TMEM132D: variants seen among roughly 807,000 people sequenced by gnomAD.
TMEM132D encodes the protein transmembrane protein 132D.
TMEM132D carries 21 observed loss-of-function variants against 62.3 expected under a neutral mutation model. The observed-to-expected ratio is 0.34, with a 90% CI of 0.24 to 0.49. TMEM132D has a LOEUF of 0.49. TMEM132D is among the 20% of genes least tolerant of loss of function. The pLI, the probability that TMEM132D is intolerant of heterozygous loss-of-function variation, is 0.99. For synonymous variants in TMEM132D, 621 were observed against 575.6 expected, an observed-to-expected ratio of 1.08 and a Z score of -1.13; for missense variants, 1,346 against 1,402.8, an observed-to-expected ratio of 0.96 and a Z score of 0.65.
chr12:129,712,574 C>T (rs775397332), intron 1 of TMEM132D, among the ~76,000 whole-genome samples: 3 of 152,118 alleles, frequency 2.0e-5, no homozygotes, highest in Admixed American at 1.3e-4. Flanking sequence ...TGCAGTGGAA[C>T]GGGGCCACGC....
intron 4 of TMEM132D, among the ~76,000 whole-genome samples, chr12:129,289,091 G>T (rs1484570806): frequency 6.6e-6 from 1 of 152,152 alleles, no homozygotes; most frequent in African/African-American, 2.4e-5. Flanking sequence ...GTGGGTGCCA[G>T]GGATGGGGGT....
intron 5 of TMEM132D, chr12:129,110,529 T>G (rs1203095025): frequency 6.6e-6 from 1 of 152,192 alleles, no homozygotes; most frequent in Non-Finnish European, 1.5e-5. Flanking sequence ...GTATGAATAA[T>G]TAGAAAGCAA....
intron 1 of TMEM132D, among the ~76,000 whole-genome samples, chr12:129,744,492 T>C (rs144437101): frequency 9.2e-5 from 14 of 152,292 alleles, no homozygotes; most frequent in African/African-American, 3.4e-4. Flanking sequence ...TTATAAAAAG[T>C]AGTGCTGCAT....
At chr12:129,231,485 G>A (rs1359515515) in intron 4 of TMEM132D, among the ~76,000 whole-genome samples, 7 of 152,180 alleles carry the variant, frequency 4.6e-5, no homozygotes, top group East Asian at 1.9e-4. Flanking sequence ...GCAGTCAAAC[G>A]TCATCAGATT....
intron 3 of TMEM132D, among the ~76,000 whole-genome samples, chr12:129,443,437 A>G (rs576504304): frequency 6.6e-6 from 1 of 152,284 alleles, no homozygotes; most frequent in East Asian, 1.9e-4. Flanking sequence ...GATAAATATG[A>G]GAAGATAAAA....
chr12:129,103,461 C>A (rs1237760506), intron 5 of TMEM132D, among the ~76,000 whole-genome samples: 1 of 151,932 alleles, frequency 6.6e-6, no homozygotes, highest in Non-Finnish European at 1.5e-5. Context: ...GCAAGCTCTC[C>A]TTGGAGGGAG....
chr12:129,410,747 T>G (rs12825183), intron 3 of TMEM132D, among the ~76,000 whole-genome samples: 22,154 of 152,182 alleles, frequency 0.15, 2,064 homozygotes, highest in Non-Finnish European at 0.21. Context: ...ATTTATATAT[T>G]TTTTTAACTT....
rs1457529737 is a variant in TMEM132D, at chr12:129,420,306, G to GGTTTTTTTTTT, written c.1116-82490_1116-82489insAAAAAAAAAAC. Among the ~76,000 whole-genome samples, 18 of 112,294 alleles carry GGTTTTTTTTTT rather than the reference G, an allele frequency of 1.6e-4. 1 individual carries two copies. In the East Asian group the frequency reaches 4.6e-3, roughly 29 times the overall value. 73.7% of individuals were successfully genotyped at this position (112,294 alleles called of 152,430 possible). On this transcript the variant is annotated intron_variant, in intron 3 of 8. Transcript: ENST00000422113. ...AATTTCAAATTATTGCACGTTCTCT[G>GGTTTTTTTTTT]TTTTTTTTTTTTTTTTTTTTTTTTG...
At chr12:129,785,883 A>T (rs142819000) in intron 1 of TMEM132D, among the ~76,000 whole-genome samples, 2 of 148,994 alleles carry the variant, frequency 1.3e-5, no homozygotes, top group Admixed American at 6.8e-5. Context: ...AAGTGCCACC[A>T]TGAACATCAG....
intron 4 of TMEM132D, among the ~76,000 whole-genome samples, chr12:129,282,869 C>T (rs920321245): frequency 2.6e-5 from 4 of 152,164 alleles, no homozygotes; most frequent in Non-Finnish European, 4.4e-5. Flanking sequence ...ACTGGTGATG[C>T]TTTTCTCACT....
intron 3 of TMEM132D, among the ~76,000 whole-genome samples, chr12:129,491,136 G>C (rs1874782635): frequency 6.6e-6 from 1 of 152,108 alleles, no homozygotes; most frequent in South Asian, 2.1e-4. Context: ...CCATCACCTA[G>C]TTAGGCTTAC....
At chr12:129,199,818 A>G (rs1779772475) in intron 5 of TMEM132D, among the ~76,000 whole-genome samples, 1 of 152,166 alleles carries the variant, frequency 6.6e-6, no homozygotes, top group Non-Finnish European at 1.5e-5. Context: ...AGCATGGGAA[A>G]GACCCGCCCC....
At chr12:129,195,557 C>A (rs141035435) in intron 5 of TMEM132D, among the ~76,000 whole-genome samples, 1 of 152,056 alleles carries the variant, frequency 6.6e-6, no homozygotes. Context: ...ATAGGAAATT[C>A]ATATTACCTT....
intron 1 of TMEM132D, among the ~76,000 whole-genome samples, chr12:129,841,471 A>T (rs965867229): frequency 6.6e-6 from 1 of 152,162 alleles, no homozygotes; most frequent in Non-Finnish European, 1.5e-5. Context: ...TCAGAAAAAA[A>T]CTTTTCCTCA....
chr12:129,796,534 A>C (rs1565988405), intron 1 of TMEM132D, among the ~76,000 whole-genome samples: 2 of 152,134 alleles, frequency 1.3e-5, no homozygotes, highest in Non-Finnish European at 2.9e-5. Flanking sequence ...AATCCATGGA[A>C]TACTAGGCAG....
chr12:129,302,218 G>A (rs746531839), intron 4 of TMEM132D, among the ~76,000 whole-genome samples: 10 of 152,200 alleles, frequency 6.6e-5, no homozygotes, highest in South Asian at 2.1e-4. Context: ...AGGTTCAAGC[G>A]ATTCTCCTGC....
chr12:129,120,906 T>C (rs760591864), intron 5 of TMEM132D, among the ~76,000 whole-genome samples: 1 of 151,872 alleles, frequency 6.6e-6, no homozygotes, highest in African/African-American at 2.4e-5. Flanking sequence ...TGCTAAAGAG[T>C]AAAATAAAAA....
intron 3 of TMEM132D, among the ~76,000 whole-genome samples, chr12:129,452,489 C>T (rs186913424): frequency 1.9e-3 from 286 of 152,306 alleles, no homozygotes; most frequent in African/African-American, 6.4e-3. Flanking sequence ...CCTTGTCACA[C>T]CTCATCAGTG....
intron 4 of TMEM132D, among the ~76,000 whole-genome samples, chr12:129,329,056 T>C (rs557419610): frequency 4.1e-4 from 62 of 149,626 alleles, no homozygotes; most frequent in African/African-American, 1.3e-3. Flanking sequence ...ATAAAGAATA[T>C]ACTTTCATAC....
Sources: gnomAD v4.1 joint callset for allele counts (sites outside exome capture counted in the v4.1 genomes callset) on GRCh38, gnomAD v4.1.1 for gene constraint, MANE v1.5 for transcripts, NCBI Gene and HGNC (gene_info 2026-07-23, HGNC 2026-07-21) for gene names.